The following ERN1 variants were observed in gnomAD, a reference collection of about 807,000 sequenced individuals.
The protein encoded by ERN1 is endoplasmic reticulum to nucleus signaling 1, also known as serine/threonine-protein kinase/endoribonuclease IRE1.
In ERN1, 39 loss-of-function variants were observed where a neutral mutation model predicts 113.1. That is an observed-to-expected ratio of 0.34 (90% CI 0.27 to 0.45). ERN1 has a LOEUF of 0.45. Ranked by LOEUF, ERN1 falls within the 20% of genes least tolerant of loss-of-function variation. The probability of loss-of-function intolerance (pLI) is 1.00; values close to 1 mark genes in which losing one functional copy is unlikely to be tolerated. For missense variants in ERN1, 976 were observed against 1,274.8 expected (o/e 0.77, Z 3.57); for synonymous variants, 507 against 515.9 (o/e 0.98, Z 0.23).
Position 64,047,925 on chromosome 17 carries a change from G to A in ERN1, c.2462C>T (p.Pro821Leu). ...KMIAMDPQKR[P>L]SAKHVLKHPF... ...GTGTTTGAGCACATGCTTCGCTGAG[G>A]GGCGTTTCTGAGGATCCATCGCAAT... is the stretch of plus-strand genomic sequence containing the variant. Residue 821 changes from proline (P) to leucine (L), a missense_variant, in exon 19 of 22, where the codon CCC becomes CTC. Physicochemically the swap from Pro to Leu is moderately conservative, Grantham distance 98 (BLOSUM62 -3). This residue lies in a region of ERN1 where 297 missense variants were observed against 457.8 expected (regional missense o/e 0.65). Transcript: ENST00000433197. 6.2e-7 allele frequency: 1 copy of A among 1,613,456 alleles called. No homozygotes were observed. The highest frequency in any genetic ancestry group is 1.1e-5 in the South Asian group (1 of 91,036).
chr17:64,128,161 A>AT (rs760752335), intron 1 of ERN1, among the ~76,000 whole-genome samples: 3,826 of 126,350 alleles, frequency 0.03, 89 homozygotes, highest in African/African-American at 0.036. Flanking sequence ...CGCCCGGCTA[A>AT]TTTTTTTTTT....
chr17:64,062,170 C>T (rs574023238), intron 10 of ERN1, among the ~76,000 whole-genome samples: 3 of 152,378 alleles, frequency 2.0e-5, no homozygotes, highest in Admixed American at 2.0e-4. Context: ...CTGCCCCAGA[C>T]CTACTGAATC....
In ERN1 at chr17:64,106,679, C is replaced by T. The variant is rs188473793; in HGVS notation, c.55-8438G>A. On this transcript the variant is annotated intron_variant, in intron 1 of 21. Coordinates refer to ENST00000433197, the MANE Select transcript of ERN1 (RefSeq NM_001433.5). ...GAAATACCAGTAAGACACTTTCTGG[C>T]ATGCCATAACAGGACACCAGTCCTA... Among the ~76,000 whole-genome samples the T allele has an allele frequency of 3.3e-5, 5 of 149,414 alleles. No individual in the cohort carries two copies. The Admixed American group carries it at 3.4e-4, about 10-fold the overall frequency.
chr17:64,072,314 T>C (rs562378031), intron 5 of ERN1, among the ~76,000 whole-genome samples: 1 of 152,386 alleles, frequency 6.6e-6, no homozygotes, highest in South Asian at 2.1e-4. Context: ...AAACATGGTA[T>C]ACAAATTCCT....
intron 1 of ERN1, among the ~76,000 whole-genome samples, chr17:64,102,011 G>T (rs1410359376): frequency 6.6e-6 from 1 of 152,114 alleles, no homozygotes; most frequent in African/African-American, 2.4e-5. Flanking sequence ...CGGGACCGGT[G>T]GCTCATGCCT....
At chr17:64,102,873 C>G in intron 1 of ERN1, 1 of 984,702 alleles carries the variant, frequency 1.0e-6, no homozygotes, top group Non-Finnish European at 1.2e-6. Flanking sequence ...AAATTTGATT[C>G]AGTTTTAAAA....
chr17:64,100,518 C>T (rs1914356978), intron 1 of ERN1, among the ~76,000 whole-genome samples: 1 of 151,982 alleles, frequency 6.6e-6, no homozygotes, highest in African/African-American at 2.4e-5. Context: ...CACCTGTAAT[C>T]CCAACATTTT....
At chr17:64,098,922 GC>G (rs1391067856) in intron 1 of ERN1, among the ~76,000 whole-genome samples, 2 of 152,096 alleles carry the variant, frequency 1.3e-5, no homozygotes, top group Non-Finnish European at 2.9e-5. Context: ...CCCATCCATT[GC>G]TAGTAGCACT....
chr17:64,056,059 C>A, intron 12 of ERN1, 111 bp from the exon 13 acceptor site: 2 of 1,431,994 alleles, frequency 1.4e-6, no homozygotes, highest in Non-Finnish European at 1.8e-6. Flanking sequence ...TTTATGTGAC[C>A]CAACAGGGCA....
At chr17:64,108,300 G>A (rs1348212767) in intron 1 of ERN1, among the ~76,000 whole-genome samples, 1 of 152,020 alleles carries the variant, frequency 6.6e-6, no homozygotes, top group Non-Finnish European at 1.5e-5. Flanking sequence ...CCCCAAACTG[G>A]TTTTGGGGCC....
intron 2 of ERN1, among the ~76,000 whole-genome samples, chr17:64,095,614 C>T (rs1914208229): frequency 2.0e-5 from 3 of 152,084 alleles, no homozygotes; most frequent in Non-Finnish European, 4.4e-5. Context: ...TCTAGTCATC[C>T]CACACACAGC....
chr17:64,043,976 G>A lies in ERN1; in HGVS notation c.*12C>T. On this transcript the variant is annotated 3_prime_UTR_variant, in exon 22 of 22. Coordinates refer to ENST00000433197, the MANE Select transcript of ERN1 (RefSeq NM_001433.5). ...ACAGCTGGGGCCACCAGAACAGAGG[G>A]GCCGCCCTCGCTCAGAGGGCGTCTG... The A allele has an allele frequency of 6.3e-7, 1 of 1,577,256 alleles. No homozygotes were observed. Among genetic ancestry groups the A allele is most frequent in the East Asian group, 2.2e-5 (1 of 44,612 alleles).
chr17:64,073,179 T>G (rs1913477023), intron 5 of ERN1, among the ~76,000 whole-genome samples: 1 of 151,398 alleles, frequency 6.6e-6, no homozygotes, highest in African/African-American at 2.4e-5. Context: ...TCTTTTTTTA[T>G]TTTTTTTGGG....
chr17:64,071,774 A>G (rs1320969681), intron 6 of ERN1, among the ~76,000 whole-genome samples: 2 of 152,140 alleles, frequency 1.3e-5, no homozygotes, highest in Non-Finnish European at 2.9e-5. Context: ...GCGGCGTCAC[A>G]GGGGTTTTTC....
rs142940265 is a variant in ERN1 at position 64,054,544 on chromosome 17, G to A, written c.1764-105C>T. On this transcript the variant is annotated intron_variant, in intron 14 of 21. Transcript: ENST00000433197. The surrounding 1 kb of genome is among the most constrained non-coding windows in gnomAD (Gnocchi z 4.9). ...CATTCACCTACTGCCTCCCAGCCTA[G>A]AGAGCCCCGCCTGACTGCCTGGTGG... is the stretch of plus-strand genomic sequence containing the variant. The A allele has an allele frequency of 0.016, 19,498 of 1,217,280 alleles. 211 individuals carry two copies. Among genetic ancestry groups the A allele is most frequent in the Non-Finnish European group, 0.019 (16,877 of 871,072 alleles). 75.4% of individuals were successfully genotyped at this position (1,217,280 alleles called of 1,614,324 possible).
At chr17:64,088,744 G>C (rs777553449) in intron 2 of ERN1, among the ~76,000 whole-genome samples, 5 of 152,154 alleles carry the variant, frequency 3.3e-5, no homozygotes, top group Non-Finnish European at 5.9e-5. Flanking sequence ...CATGGGGCAT[G>C]CACCACAGGC....
rs776448898 is a variant in ERN1 at position 64,055,633 on chromosome 17, G to T, written c.1672+42C>A. The stretch of plus-strand genomic sequence containing the variant: ...TCCTTGGACTTCTCAGGAGGTGCTC[G>T]AATAAAACATAAAATAGCACCAAGA... On this transcript the variant is annotated intron_variant, in intron 13 of 21. Coordinates refer to ENST00000433197, the MANE Select transcript of ERN1 (RefSeq NM_001433.5). 2.6e-6 allele frequency: 4 copies of T among 1,518,422 alleles called. No homozygotes were observed. The South Asian group carries it at 4.0e-5, about 15-fold the overall frequency. 94.1% of individuals were successfully genotyped at this position (1,518,422 alleles called of 1,614,324 possible).
intron 1 of ERN1, among the ~76,000 whole-genome samples, chr17:64,117,915 G>T (rs148935915): frequency 0.012 from 1,813 of 152,302 alleles, 13 homozygotes; most frequent in Non-Finnish European, 0.017. Flanking sequence ...GAGGGCGGGG[G>T]TCTTTGTTTT....
At chr17:64,051,622 T>TA (rs1335966658) in intron 17 of ERN1, among the ~76,000 whole-genome samples, 3 of 152,214 alleles carry the variant, frequency 2.0e-5, no homozygotes, top group Admixed American at 2.0e-4. Context: ...GGGCATCCTA[T>TA]AACCCACTGC....
Sources: gnomAD v4.1 joint callset for allele counts (sites outside exome capture counted in the v4.1 genomes callset) on GRCh38, gnomAD v4.1.1 for gene constraint, gnomAD v4.1.1 regional missense constraint, Gnocchi (gnomAD v3.1) non-coding constraint, MANE v1.5 for transcripts, NCBI Gene and HGNC (gene_info 2026-07-23, HGNC 2026-07-21) for gene names.